The following NRG4 variants were observed in gnomAD, a reference collection of about 807,000 sequenced individuals.
NRG4 encodes neuregulin 4.
A neutral mutation model predicts 15.0 loss-of-function variants in NRG4; 10 were observed. That is an observed-to-expected ratio of 0.67 (90% CI 0.41 to 1.13). The LOEUF (loss-of-function observed/expected upper bound fraction) is 1.13. Among genes scored for constraint, NRG4 ranks in the 50% most tolerant of loss-of-function variants. The pLI, the probability that NRG4 is intolerant of heterozygous loss-of-function variation, is 0.00. For missense variants in NRG4, 139 were observed against 140.2 expected (o/e 0.99, Z 0.04); for synonymous variants, 41 against 50.1 (o/e 0.82, Z 0.77).
chr15:76,016,715 C>T (rs934482368), upstream of NRG4, among the ~76,000 whole-genome samples: 2 of 151,764 alleles, frequency 1.3e-5, no homozygotes, highest in Non-Finnish European at 1.5e-5. Context: ...TTATGATTTC[C>T]ATTATTTTGC....
chr15:76,023,717 C>T (rs1195626573), intron 5 of NRG4, among the ~76,000 whole-genome samples: 1 of 152,174 alleles, frequency 6.6e-6, no homozygotes. Context: ...TCATTCCACC[C>T]AGCCCACAGA....
Position 76,056,622 on chromosome 15 carries a change from A to G in NRG4, c.-262+332T>C, listed in dbSNP as rs1022503287. On this transcript the variant is annotated intron_variant, in intron 2 of 8. Transcript: ENST00000563910. ...GATTGGCTTTCTACCTGTACATTCC[A>G]AATAAGTGAGGTTATATTATAACAT... Among the ~76,000 whole-genome samples, 14 of 152,358 alleles carry G rather than the reference A, an allele frequency of 9.2e-5. No homozygotes were observed. The South Asian group carries it at 1.2e-3, about 14-fold the overall frequency.
chr15:76,014,488 A>C (rs1197691612), upstream of NRG4, among the ~76,000 whole-genome samples: 1 of 152,108 alleles, frequency 6.6e-6, no homozygotes, highest in African/African-American at 2.4e-5. Context: ...TTTTAGGTGT[A>C]TGTCTTTAAT....
chr15:75,995,120 A>T (rs2034164552), intron 3 of NRG4, among the ~76,000 whole-genome samples: 1 of 152,028 alleles, frequency 6.6e-6, no homozygotes, highest in Admixed American at 6.6e-5. Context: ...CCAGGGAGGC[A>T]GAGGCTGCAG....
chr15:75,939,352 C>T (rs2030702540), downstream of NRG4: 1 of 151,998 alleles, frequency 6.6e-6, no homozygotes, highest in Admixed American at 6.5e-5. Context: ...GCAAAACGTA[C>T]TACTGCTGAA....
intron 2 of NRG4, among the ~76,000 whole-genome samples, chr15:76,055,344 CTA>C (rs1206157961): frequency 3.3e-5 from 5 of 152,172 alleles, no homozygotes; most frequent in Admixed American, 2.0e-4. Flanking sequence ...AAAATTTACA[CTA>C]TGTTTCACTC....
At chr15:75,993,434 C>T (rs938244006) in intron 3 of NRG4, among the ~76,000 whole-genome samples, 17 of 145,456 alleles carry the variant, frequency 1.2e-4, no homozygotes, top group Non-Finnish European at 2.1e-4. Context: ...TGGCTGAGCA[C>T]GAATTACATG....
At chr15:76,038,175 G>A (rs1467137901) in intron 4 of NRG4, among the ~76,000 whole-genome samples, 2 of 152,210 alleles carry the variant, frequency 1.3e-5, no homozygotes, top group Non-Finnish European at 2.9e-5. Context: ...GTGAGACCCA[G>A]CACATTCCCA....
chr15:76,018,732 C>T (rs8028990), intron 5 of NRG4, among the ~76,000 whole-genome samples: 5,632 of 152,176 alleles, frequency 0.037, 182 homozygotes, highest in African/African-American at 0.085. Flanking sequence ...CGCCAGATGC[C>T]GGCTGGAGCT....
chr15:75,949,418 C>G (rs986037397), intron 5 of NRG4, among the ~76,000 whole-genome samples: 1 of 150,232 alleles, frequency 6.7e-6, no homozygotes, highest in Non-Finnish European at 1.5e-5. Context: ...AAAATCTTGC[C>G]CAAACTTTAA....
chr15:75,954,590 T>G (rs2032118828), intron 5 of NRG4, among the ~76,000 whole-genome samples: 1 of 151,718 alleles, frequency 6.6e-6, no homozygotes, highest in Admixed American at 6.6e-5. Flanking sequence ...CCATTGGTTT[T>G]TTTTTTTGTA....
chr15:76,032,699 G>A lies in NRG4; in HGVS notation c.-57+3245C>T, dbSNP rs116204834. Reference sequence around the variant, plus strand: ...TGTGATATAAAAAGCTGGCACAAATGGCTATTACCATGAATTAATTTTTAG... The same window carrying A: ...TGTGATATAAAAAGCTGGCACAAATAGCTATTACCATGAATTAATTTTTAG... On this transcript the variant is annotated intron_variant, in intron 5 of 8. Transcript: ENST00000563910. 9.7e-3 allele frequency among the ~76,000 whole-genome samples: 1,471 copies of A among 152,110 alleles called. 17 individuals carry two copies. Among genetic ancestry groups the A allele is most frequent in the African/African-American group, 0.032 (1,331 of 41,496 alleles).
intron 5 of NRG4, among the ~76,000 whole-genome samples, chr15:76,018,273 T>A (rs2035049197): frequency 6.6e-6 from 1 of 152,180 alleles, no homozygotes; most frequent in Non-Finnish European, 1.5e-5. Flanking sequence ...AGTTAGAATA[T>A]CCTCCTTTAG....
At chr15:76,056,599 T>C (rs1275513237) in intron 2 of NRG4, among the ~76,000 whole-genome samples, 2 of 152,230 alleles carry the variant, frequency 1.3e-5, no homozygotes, top group Non-Finnish European at 2.9e-5. Context: ...CCAACTCAGA[T>C]TGGCTTTCTA....
chr15:75,960,222 G>GT (rs1211331985), intron 4 of NRG4, among the ~76,000 whole-genome samples: 2 of 152,208 alleles, frequency 1.3e-5, no homozygotes, highest in African/African-American at 4.8e-5. Context: ...AATGAGGGAA[G>GT]TAGGTATTGG....
At chr15:76,014,980 G>A (rs1377593533), upstream of NRG4, among the ~76,000 whole-genome samples, 1 of 152,206 alleles carries the variant, frequency 6.6e-6, no homozygotes, top group Non-Finnish European at 1.5e-5. Context: ...CCATGAGCAT[G>A]GAATGTTCTT....
upstream of NRG4, among the ~76,000 whole-genome samples, chr15:76,016,917 C>T (rs1269287492): frequency 3.9e-5 from 6 of 152,164 alleles, no homozygotes; most frequent in South Asian, 1.0e-3. Context: ...CTAATATGAA[C>T]AGTGGGGTGT....
At chr15:75,961,766 A>G in intron 4 of NRG4, 62 bp downstream of exon 4, 1 of 1,185,060 alleles carries the variant, frequency 8.4e-7, no homozygotes. Flanking sequence ...CATATTAATT[A>G]TTTAGTGGAA....
intron 3 of NRG4, among the ~76,000 whole-genome samples, chr15:75,965,082 T>G (rs2032731828): frequency 6.6e-6 from 1 of 151,628 alleles, no homozygotes; most frequent in African/African-American, 2.4e-5. Context: ...AAAAATTAGC[T>G]GGGCATGGTG....
Sources: gnomAD v4.1 joint callset for allele counts (sites outside exome capture counted in the v4.1 genomes callset) on GRCh38, gnomAD v4.1.1 for gene constraint, MANE v1.5 for transcripts, NCBI Gene and HGNC (gene_info 2026-07-23, HGNC 2026-07-21) for gene names.